Variants in KSR2 observed in about 807,000 individuals in gnomAD.
The protein encoded by KSR2 is kinase suppressor of ras 2.
Under a neutral mutation model 107.8 loss-of-function variants are expected in KSR2, and 25 were observed. That is an observed-to-expected ratio of 0.23 (90% CI 0.17 to 0.32). KSR2 has a LOEUF of 0.32. Ranked by LOEUF, KSR2 falls within the 10% of genes least tolerant of loss-of-function variation. KSR2 has a pLI of 1.00. For missense variants in KSR2, 887 were observed against 1,268.9 expected (o/e 0.70, Z 4.57); for synonymous variants, 480 against 507.0 (o/e 0.95, Z 0.71).
At chr12:117,756,839 G>A (rs1189832643) in intron 4 of KSR2, among the ~76,000 whole-genome samples, 2 of 152,164 alleles carry the variant, frequency 1.3e-5, no homozygotes, top group Admixed American at 6.5e-5. Flanking sequence ...TGGATCACCT[G>A]AGGTCAGGAA....
At chr12:117,641,925 C>G (rs1226562686) in intron 5 of KSR2, among the ~76,000 whole-genome samples, 3 of 152,186 alleles carry the variant, frequency 2.0e-5, no homozygotes, top group African/African-American at 7.2e-5. Context: ...ATTCTCTCTC[C>G]CCTGCTTCAT....
intron 1 of KSR2, among the ~76,000 whole-genome samples, chr12:117,963,351 C>T (rs1896710924): frequency 1.3e-5 from 2 of 152,088 alleles, no homozygotes; most frequent in Non-Finnish European, 2.9e-5. Context: ...CAGCCCCTGC[C>T]GTAGGCTGCC....
At chr12:117,635,551 A>T (rs1184608580) in intron 5 of KSR2, among the ~76,000 whole-genome samples, 1 of 152,240 alleles carries the variant, frequency 6.6e-6, no homozygotes, top group Non-Finnish European at 1.5e-5. Context: ...GATGATCAGT[A>T]TAAGACGCCA....
chr12:117,536,687 C>T (rs1262317721), intron 10 of KSR2, among the ~76,000 whole-genome samples: 1 of 152,152 alleles, frequency 6.6e-6, no homozygotes, highest in Non-Finnish European at 1.5e-5. Context: ...CTTTCCATGT[C>T]AGGAAATCTA....
intron 2 of KSR2, among the ~76,000 whole-genome samples, chr12:117,856,789 C>A (rs565242674): frequency 1.3e-5 from 2 of 152,082 alleles, no homozygotes; most frequent in Non-Finnish European, 2.9e-5. Context: ...GGCAGTATTG[C>A]GGAATACATC....
intron 1 of KSR2, among the ~76,000 whole-genome samples, chr12:117,944,100 G>A (rs778768015): frequency 3.2e-4 from 49 of 152,278 alleles, no homozygotes; most frequent in Non-Finnish European, 4.1e-4. Context: ...GTCTTGGCCC[G>A]GAGCGGTGGC....
At chr12:117,922,523 A>G (rs141462204) in intron 1 of KSR2, among the ~76,000 whole-genome samples, 43 of 152,342 alleles carry the variant, frequency 2.8e-4, no homozygotes, top group African/African-American at 8.4e-4. Flanking sequence ...ATCAGGTTGC[A>G]TTCATGTTAA....
chr12:117,910,231 AAAG>A (rs757494869), intron 1 of KSR2, among the ~76,000 whole-genome samples: 2 of 152,160 alleles, frequency 1.3e-5, no homozygotes, highest in East Asian at 1.9e-4. Flanking sequence ...ACCCTGTCTC[AAAG>A]AAGAAGAAGA....
At chr12:117,499,886 A>G (rs965208829) in intron 14 of KSR2, among the ~76,000 whole-genome samples, 2 of 152,194 alleles carry the variant, frequency 1.3e-5, no homozygotes, top group Non-Finnish European at 2.9e-5. Context: ...ACAGCCCAAA[A>G]GGGCACAGGA....
At chr12:117,709,572 C>T (rs1374196390) in intron 4 of KSR2, among the ~76,000 whole-genome samples, 1 of 152,198 alleles carries the variant, frequency 6.6e-6, no homozygotes, top group Non-Finnish European at 1.5e-5. Context: ...TCTGCTTCCA[C>T]CTCCCAAAGT....
intron 7 of KSR2, among the ~76,000 whole-genome samples, chr12:117,573,878 G>A (rs1347902241): frequency 1.3e-5 from 2 of 152,122 alleles, no homozygotes; most frequent in East Asian, 1.9e-4. Context: ...TTTACTGGAT[G>A]AATTTGCTGG....
intron 7 of KSR2, among the ~76,000 whole-genome samples, chr12:117,575,950 G>A (rs927810884): frequency 2.0e-5 from 3 of 152,178 alleles, no homozygotes; most frequent in Non-Finnish European, 4.4e-5. Flanking sequence ...TCACACAAGA[G>A]TTTAGTAATG....
chr12:117,595,130 C>T (rs1030359991), intron 5 of KSR2, among the ~76,000 whole-genome samples: 14 of 152,216 alleles, frequency 9.2e-5, no homozygotes, highest in Non-Finnish European at 1.9e-4. Context: ...TCTGGACACA[C>T]GCACAAGCTC....
intron 4 of KSR2, among the ~76,000 whole-genome samples, chr12:117,695,730 C>A (rs1477306888): frequency 9.5e-5 from 14 of 148,116 alleles, no homozygotes; most frequent in South Asian, 6.5e-4. Flanking sequence ...AAAAAAAAAA[C>A]AAGAAAAAAA....
intron 14 of KSR2, among the ~76,000 whole-genome samples, chr12:117,516,681 T>C (rs1874398971): frequency 6.6e-6 from 1 of 152,148 alleles, no homozygotes; most frequent in African/African-American, 2.4e-5. Flanking sequence ...CCCCATTCTA[T>C]ATGTGGAGAA....
intron 4 of KSR2, among the ~76,000 whole-genome samples, chr12:117,725,397 CTTACA>C (rs1007197161): frequency 6.6e-6 from 1 of 152,134 alleles, no homozygotes; most frequent in African/African-American, 2.4e-5. Flanking sequence ...ATATGGCCAA[CTTACA>C]TTTGATGAAG....
intron 1 of KSR2, among the ~76,000 whole-genome samples, chr12:117,961,283 A>T (rs1268268679): frequency 6.7e-6 from 1 of 149,708 alleles, no homozygotes; most frequent in Non-Finnish European, 1.5e-5. Context: ...AATGCTGCAG[A>T]GGGGAAGGGG....
At chr12:117,927,145 G>A (rs1044859201) in intron 1 of KSR2, among the ~76,000 whole-genome samples, 2 of 152,182 alleles carry the variant, frequency 1.3e-5, no homozygotes, top group South Asian at 2.1e-4. Context: ...GGAGGCCGAG[G>A]CGGGTGGATC....
chr12:117,883,135 T>C (rs151129477), intron 1 of KSR2, among the ~76,000 whole-genome samples: 224 of 152,292 alleles, frequency 1.5e-3, no homozygotes, highest in Non-Finnish European at 2.8e-3. Context: ...AATAAAAGTA[T>C]TTCACTCCTG....
Sources: gnomAD v4.1 joint callset for allele counts (sites outside exome capture counted in the v4.1 genomes callset) on GRCh38, gnomAD v4.1.1 for gene constraint, MANE v1.5 for transcripts, NCBI Gene and HGNC (gene_info 2026-07-23, HGNC 2026-07-21) for gene names.